The following LRRC43 variants were observed in gnomAD, a reference collection of about 807,000 sequenced individuals.
The protein encoded by LRRC43 is leucine rich repeat containing 43.
In LRRC43, 62 loss-of-function variants were observed where a neutral mutation model predicts 64.3. The ratio of observed to expected loss-of-function variants is 0.96; its 90% confidence interval spans 0.79 to 1.19. LRRC43 has a LOEUF of 1.19. Among genes scored for constraint, LRRC43 ranks in the 50% most tolerant of loss-of-function variants. The pLI is 0.00. For missense variants in LRRC43, 868 were observed against 845.0 expected (o/e 1.03, Z -0.34); for synonymous variants, 422 against 382.3 (o/e 1.10, Z -1.21).
chr12:122,202,951 T>C (rs1207544615), intron 11 of LRRC43, among the ~76,000 whole-genome samples: 1 of 151,788 alleles, frequency 6.6e-6, no homozygotes, highest in Admixed American at 6.6e-5. Context: ...AAATAGCCGG[T>C]CGTGGTGACA....
chr12:122,189,311 T>G, intron 4 of LRRC43: 1 of 413,876 alleles, frequency 2.4e-6, no homozygotes, highest in Non-Finnish European at 4.9e-6. Context: ...CCTTGGGGGG[T>G]CCAACCCTCT....
At chr12:122,197,964 G>A (rs553126579) in intron 7 of LRRC43, among the ~76,000 whole-genome samples, 2 of 151,932 alleles carry the variant, frequency 1.3e-5, no homozygotes, top group East Asian at 3.9e-4. Context: ...TTTAACCTGA[G>A]AAGTACAATT....
chr12:122,201,807 T>G (rs1953842511), intron 11 of LRRC43, among the ~76,000 whole-genome samples: 1 of 152,054 alleles, frequency 6.6e-6, no homozygotes, highest in Admixed American at 6.6e-5. Context: ...TGAGGCCCGA[T>G]CATAGCAGAG....
At chr12:122,168,272 C>G (rs947445735) in intron 1 of LRRC43, among the ~76,000 whole-genome samples, 1 of 151,300 alleles carries the variant, frequency 6.6e-6, no homozygotes, top group Non-Finnish European at 1.5e-5. Context: ...GAAACCCCAT[C>G]TCTACTAAAA....
chr12:122,176,800 A>G (rs1048937674), intron 1 of LRRC43, among the ~76,000 whole-genome samples: 5 of 151,874 alleles, frequency 3.3e-5, no homozygotes, highest in Non-Finnish European at 7.4e-5. Context: ...GATCACAGGC[A>G]TGTACCACCA....
upstream of LRRC43, among the ~76,000 whole-genome samples, chr12:122,182,330 C>G (rs909022761): frequency 1.3e-5 from 2 of 152,080 alleles, no homozygotes; most frequent in African/African-American, 2.4e-5. Context: ...TCGAGACCAG[C>G]CTGGCCAACA....
chr12:122,185,741 G>T (rs1243909610), intron 2 of LRRC43, among the ~76,000 whole-genome samples: 1 of 152,178 alleles, frequency 6.6e-6, no homozygotes, highest in African/African-American at 2.4e-5. Flanking sequence ...GGAGAAGCGA[G>T]GCCCCGCTGG....
At chr12:122,185,934 T>C (rs1366546542) in intron 2 of LRRC43, among the ~76,000 whole-genome samples, 1 of 152,194 alleles carries the variant, frequency 6.6e-6, no homozygotes, top group African/African-American at 2.4e-5. Flanking sequence ...AGGTGGCTTA[T>C]GGTCCAACAA....
rs567137039 is a variant in LRRC43, at chr12:122,173,790, A to G, written c.-406+6008A>G. 17 of 1,522,992 alleles carry G rather than the reference A, an allele frequency of 1.1e-5. No individual in the cohort carries two copies. The East Asian group carries it at 3.4e-4, about 30-fold the overall frequency. 94.3% of individuals were successfully genotyped at this position (1,522,992 alleles called of 1,614,324 possible). On this transcript the variant is annotated intron_variant, in intron 1 of 5. Coordinates refer to the LRRC43 transcript ENST00000537729. ...GGAGAGAGGAGCCTCTTTGGAGGGC[A>G]ATGGAAGGCATTTTTAAGAAATCGT... is the stretch of plus-strand genomic sequence containing the variant.
At chr12:122,193,359 G>A (rs1953742265) in intron 7 of LRRC43, among the ~76,000 whole-genome samples, 3 of 125,922 alleles carry the variant, frequency 2.4e-5, no homozygotes, top group Admixed American at 2.0e-4. Flanking sequence ...CCAGCCCGGC[G>A]ACAGAGCGAG....
At chr12:122,197,552 A>G (rs1011359537) in intron 7 of LRRC43, among the ~76,000 whole-genome samples, 23 of 152,024 alleles carry the variant, frequency 1.5e-4, no homozygotes, top group African/African-American at 5.6e-4. Flanking sequence ...TCACGTCCGC[A>G]AGGTTGGCTG....
Position 122,200,129 on chromosome 12 carries a change from G to A in LRRC43, c.1350-60G>A, listed in dbSNP as rs1490331123. On this transcript the variant is annotated intron_variant, in intron 7 of 11. Coordinates refer to ENST00000339777, the MANE Select transcript of LRRC43 (RefSeq NM_001098519.2). The surrounding 1 kb of genome is among the most constrained non-coding windows in gnomAD (Gnocchi z 4.6). ...GGATGTCCCCTCACAGTCCTGTCCC[G>A]GGTCCCTGGCCACAGCCCCTGGGTG... is the stretch of plus-strand genomic sequence containing the variant. 33 of 1,577,560 alleles carry A rather than the reference G, an allele frequency of 2.1e-5. 1 individual carries two copies. The highest frequency in any genetic ancestry group is 1.1e-4 in the East Asian group (5 of 44,652).
intron 4 of LRRC43, 131 bp from the exon 5 acceptor site, chr12:122,189,999 G>C: frequency 1.3e-6 from 1 of 781,314 alleles, no homozygotes; most frequent in Non-Finnish European, 2.2e-6. Context: ...TGGGTCAAGG[G>C]TAGGACAGGG....
At chr12:122,169,899 C>A (rs1228320590) in intron 1 of LRRC43, among the ~76,000 whole-genome samples, 1 of 152,048 alleles carries the variant, frequency 6.6e-6, no homozygotes, top group Non-Finnish European at 1.5e-5. Context: ...ACCTCCACCT[C>A]CTAGGTTCAA....
chr12:122,200,853 C>T lies in LRRC43; in HGVS notation c.1728C>T (p.Leu576=), dbSNP rs777886917. Residue 576 remains leucine, a synonymous_variant, in exon 10 of 12, where the codon CTC becomes CTT. Transcript: ENST00000339777. The surrounding 1 kb of genome is among the most constrained non-coding windows in gnomAD (Gnocchi z 4.6). ...GRGLVILEPL[L]AGEPLVSTVC... ...GCCTGGTGATCCTGGAGCCCCTGCT[C>T]GCCGGGGAGCCCCTGGTGTCCACCG... 5.0e-6 allele frequency: 8 copies of T among 1,613,108 alleles called. No individual in the cohort carries two copies. The highest frequency in any genetic ancestry group is 2.7e-5 in the African/African-American group (2 of 75,046).
At chr12:122,169,354 A>G (rs190337863) in intron 1 of LRRC43, among the ~76,000 whole-genome samples, 3 of 152,324 alleles carry the variant, frequency 2.0e-5, no homozygotes, top group African/African-American at 7.2e-5. Flanking sequence ...TGCCTGAGGC[A>G]GTTATTACTG....
At chr12:122,174,156 C>T in intron 1 of LRRC43, 1 of 1,614,142 alleles carries the variant, frequency 6.2e-7, no homozygotes. Context: ...ACCAGTGATA[C>T]CTGAGTGAGA....
At chr12:122,199,985 C>T (rs766486683) in intron 7 of LRRC43, among the ~76,000 whole-genome samples, 1 of 152,206 alleles carries the variant, frequency 6.6e-6, no homozygotes, top group African/African-American at 2.4e-5. Context: ...ACTTGCCTTT[C>T]TTTTGCTGTC....
Position 122,183,279 on chromosome 12 carries a change from C to A in LRRC43, c.135C>A (p.Cys45Ter), listed in dbSNP as rs762140293. Reference sequence around the variant, plus strand: ...AGCTGTGTCTGCGCGAGTTCCCGTGCGGTGCCGGCAGCTGGGTGCGGGCGC... The same window carrying A: ...AGCTGTGTCTGCGCGAGTTCCCGTGAGGTGCCGGCAGCTGGGTGCGGGCGC... The part of the protein sequence containing the change: ...LRKLCLREFP[C>*]GAGSWNKSRF... Residue 45 changes from cysteine to a stop codon, truncating the protein, a stop_gained, in exon 1 of 12, where the codon TGC becomes TGA. Coordinates refer to ENST00000339777, the MANE Select transcript of LRRC43 (RefSeq NM_001098519.2). LOFTEE classifies it high-confidence loss of function. The A allele has an allele frequency of 3.9e-6, 6 of 1,540,964 alleles. No homozygotes were observed. The highest frequency in any genetic ancestry group is 5.2e-6 in the Non-Finnish European group (6 of 1,155,118).
Sources: gnomAD v4.1 joint callset for allele counts (sites outside exome capture counted in the v4.1 genomes callset) on GRCh38, gnomAD v4.1.1 for gene constraint, Gnocchi (gnomAD v3.1) non-coding constraint, MANE v1.5 for transcripts, NCBI Gene and HGNC (gene_info 2026-07-23, HGNC 2026-07-21) for gene names.